ASB4: variants seen among roughly 807,000 people sequenced by gnomAD.
ASB4 encodes the protein ankyrin repeat and SOCS box containing 4, also known as ankyrin repeat and SOCS box protein 4.
A neutral mutation model predicts 38.6 loss-of-function variants in ASB4; 35 were observed. The ratio of observed to expected loss-of-function variants is 0.91; its 90% CI spans 0.69 to 1.20. ASB4 has a LOEUF of 1.20. Ranked by LOEUF, ASB4 falls within the 50% of genes most tolerant of loss-of-function variation. ASB4 has a pLI of 0.00. For missense variants in ASB4, 557 were observed against 527.2 expected, an observed-to-expected ratio of 1.06 and a Z score of -0.55; for synonymous variants, 195 against 201.3, an observed-to-expected ratio of 0.97 and a Z score of 0.26.
downstream of ASB4, chr7:95,543,672 GCTGGAGTATACA>G (rs1790998501): frequency 6.6e-6 from 1 of 152,190 alleles, no homozygotes; most frequent in African/African-American, 2.4e-5. Context: ...AAGGGTGAGA[GCTGGAGTATACA>G]CTGAGTATTC....
At chr7:95,520,641 C>T (rs1319091407) in intron 2 of ASB4, among the ~76,000 whole-genome samples, 1 of 146,528 alleles carries the variant, frequency 6.8e-6, no homozygotes, top group Non-Finnish European at 1.5e-5. Context: ...TCCCACTCCC[C>T]ACCCCCCATC....
chr7:95,549,707 T>C, the ASB4 span, among the ~76,000 whole-genome samples: 1 of 152,166 alleles, frequency 6.6e-6, no homozygotes, highest in Non-Finnish European at 1.5e-5. Flanking sequence ...TGCTGTTTGT[T>C]ATTAGACTCT....
chr7:95,486,336 T>C (rs73711318), intron 1 of ASB4, among the ~76,000 whole-genome samples, 178 bp downstream of exon 1: 2,515 of 152,296 alleles, frequency 0.017, 63 homozygotes, highest in African/African-American at 0.056. Flanking sequence ...GGCTGATATA[T>C]ATGTATAAGT....
chr7:95,495,560 G>A (rs1444194408), intron 1 of ASB4, among the ~76,000 whole-genome samples, 198 bp from the exon 2 acceptor site: 1 of 152,144 alleles, frequency 6.6e-6, no homozygotes, highest in African/African-American at 2.4e-5. Context: ...CTGTTCCCCT[G>A]ATGAATATCA....
In ASB4 at chr7:95,524,006, A is replaced by G. The variant is rs144704402; in HGVS notation, c.488-3807A>G. On this transcript the variant is annotated intron_variant, in intron 2 of 4. Coordinates refer to ENST00000325885, the MANE Select transcript of ASB4 (RefSeq NM_016116.3). ...ACGGAAAATACCAATGTTGATAAGG[A>G]TGTAATACAATGAGAAACCCTCACC... 3.2e-4 allele frequency among the ~76,000 whole-genome samples: 48 copies of G among 152,346 alleles called. 2 individuals are homozygous for G. In the East Asian group the frequency reaches 8.9e-3, roughly 28 times the overall value.
chr7:95,522,805 A>T (rs990528125), intron 2 of ASB4, among the ~76,000 whole-genome samples: 1 of 152,218 alleles, frequency 6.6e-6, no homozygotes, highest in Non-Finnish European at 1.5e-5. Context: ...CACAGATGAA[A>T]TCTGAAAATT....
At chr7:95,549,397 C>T in the ASB4 span, among the ~76,000 whole-genome samples, 1 of 150,650 alleles carries the variant, frequency 6.6e-6, no homozygotes, top group Non-Finnish European at 1.5e-5. Context: ...CCCGGGTTCA[C>T]CCCATTCTCC....
chr7:95,501,441 A>G (rs987850499), intron 2 of ASB4, among the ~76,000 whole-genome samples: 11 of 152,208 alleles, frequency 7.2e-5, no homozygotes, highest in Admixed American at 7.2e-4. Context: ...TCCGAAATAG[A>G]TAGGCCTGCT....
upstream of ASB4, among the ~76,000 whole-genome samples, chr7:95,475,232 G>T (rs1474069598): frequency 6.6e-6 from 1 of 152,074 alleles, no homozygotes; most frequent in Non-Finnish European, 1.5e-5. Flanking sequence ...AATAGGTAGG[G>T]TCATATACTA....
chr7:95,549,952 C>T, the ASB4 span, among the ~76,000 whole-genome samples: 1 of 152,180 alleles, frequency 6.6e-6, no homozygotes, highest in Non-Finnish European at 1.5e-5. Context: ...TCTGTGTTAT[C>T]TTAGTTCCCA....
At chr7:95,496,940 A>G (rs1382485212) in intron 2 of ASB4, among the ~76,000 whole-genome samples, 1 of 152,200 alleles carries the variant, frequency 6.6e-6, no homozygotes, top group East Asian at 1.9e-4. Flanking sequence ...GGGTCTAGCT[A>G]TAGGAAATAG....
intron 3 of ASB4, among the ~76,000 whole-genome samples, chr7:95,530,091 G>A (rs1433265509): frequency 8.4e-6 from 1 of 119,372 alleles, no homozygotes; most frequent in Non-Finnish European, 1.7e-5. Context: ...AGGTGCTATG[G>A]AGAAAAAGCA....
intron 1 of ASB4, among the ~76,000 whole-genome samples, chr7:95,487,829 A>G (rs77647948): frequency 6.6e-6 from 1 of 152,160 alleles, no homozygotes; most frequent in East Asian, 1.9e-4. Context: ...AAAGGAAAAG[A>G]ACAGTTCCAT....
At chr7:95,474,736 G>A (rs141059643), upstream of ASB4, among the ~76,000 whole-genome samples, 1 of 152,118 alleles carries the variant, frequency 6.6e-6, no homozygotes, top group African/African-American at 2.4e-5. Flanking sequence ...TGTTGTCTAG[G>A]CTGGTCATGA....
intron 1 of ASB4, 70 bp from the exon 2 acceptor site, chr7:95,495,688 C>T (rs1585798073): frequency 6.9e-7 from 1 of 1,456,822 alleles, no homozygotes; most frequent in East Asian, 2.3e-5. Context: ...TGTAAAAATC[C>T]TCACAAAACA....
chr7:95,548,850 C>T, the ASB4 span, among the ~76,000 whole-genome samples: 2 of 152,050 alleles, frequency 1.3e-5, no homozygotes, highest in Non-Finnish European at 2.9e-5. Context: ...CCTTTACATG[C>T]TTTAATTTAT....
At chr7:95,535,283 T>A (rs1199517823) in intron 3 of ASB4, among the ~76,000 whole-genome samples, 1 of 152,158 alleles carries the variant, frequency 6.6e-6, no homozygotes, top group Admixed American at 6.5e-5. Context: ...AGTAATAGGT[T>A]GAGGTTGATA....
chr7:95,494,256 G>C (rs1223674523), intron 1 of ASB4, among the ~76,000 whole-genome samples: 1 of 152,102 alleles, frequency 6.6e-6, no homozygotes, highest in East Asian at 1.9e-4. Flanking sequence ...TTCTTGTAAG[G>C]GGCAATGCCC....
intron 2 of ASB4, among the ~76,000 whole-genome samples, chr7:95,518,613 T>C (rs1198505160): frequency 6.6e-6 from 1 of 152,226 alleles, no homozygotes; most frequent in Non-Finnish European, 1.5e-5. Flanking sequence ...AAGAAAGAGT[T>C]GAATGACCTA....
Sources: gnomAD v4.1 joint callset for allele counts (sites outside exome capture counted in the v4.1 genomes callset) on GRCh38, gnomAD v4.1.1 for gene constraint, MANE v1.5 for transcripts, NCBI Gene and HGNC (gene_info 2026-07-23, HGNC 2026-07-21) for gene names.